Variants in PARVA observed in about 807,000 individuals in gnomAD.
The protein encoded by PARVA is alpha-parvin.
Under a neutral mutation model 52.6 loss-of-function variants are expected in PARVA, and 25 were observed. The ratio of observed to expected loss-of-function variants is 0.48; its 90% confidence interval spans 0.35 to 0.66. The LOEUF (loss-of-function observed/expected upper bound fraction) is 0.66, where lower values mean the gene tolerates loss of function less well. Ranked by LOEUF, PARVA falls within the 30% of genes least tolerant of loss-of-function variation. PARVA has a pLI of 0.01. For synonymous variants in PARVA, 185 were observed against 179.1 expected, an observed-to-expected ratio of 1.03 and a Z score of -0.26; for missense variants, 373 against 450.9, an observed-to-expected ratio of 0.83 and a Z score of 1.56.
chr11:12,407,570 G>A (rs1939930610), intron 1 of PARVA, among the ~76,000 whole-genome samples: 1 of 152,166 alleles, frequency 6.6e-6, no homozygotes, highest in African/African-American at 2.4e-5. Flanking sequence ...ATGGGAGAAG[G>A]GATTTCTTAG....
Position 12,408,490 on chromosome 11 carries a change from T to G in PARVA, c.136+30707T>G, listed in dbSNP as rs1939946278. Among the ~76,000 whole-genome samples, 4 of 152,162 alleles carry G rather than the reference T, an allele frequency of 2.6e-5. No homozygotes were observed. In the South Asian group the frequency reaches 8.3e-4, roughly 32 times the overall value. On this transcript the variant is annotated intron_variant, in intron 1 of 12. Coordinates refer to ENST00000334956, the MANE Select transcript of PARVA (RefSeq NM_018222.5). ...CTGCTTGGGAGCTGGACCCAATGTT[T>G]TCATCCCTGTGCCTCTCAGCCAGAC...
At chr11:12,483,770 G>A (rs914074491) in intron 4 of PARVA, among the ~76,000 whole-genome samples, 11 of 152,114 alleles carry the variant, frequency 7.2e-5, no homozygotes, top group African/African-American at 4.8e-5. Context: ...ACTTCTCTGC[G>A]CTGTTGATGT....
intron 1 of PARVA, among the ~76,000 whole-genome samples, chr11:12,452,542 G>A (rs1940637405): frequency 2.0e-5 from 3 of 152,152 alleles, no homozygotes; most frequent in Admixed American, 2.0e-4. Context: ...ATTTACCTCT[G>A]CCTTTGTCAG....
chr11:12,377,238 C>G, upstream of PARVA: 1 of 374,500 alleles, frequency 2.7e-6, no homozygotes, highest in Non-Finnish European at 4.6e-6. Flanking sequence ...CTGGAAGACC[C>G]CGGGAGAGTA....
chr11:12,471,918 CTT>C (rs1940940760), intron 1 of PARVA, among the ~76,000 whole-genome samples: 1 of 152,248 alleles, frequency 6.6e-6, no homozygotes, highest in Non-Finnish European at 1.5e-5. Context: ...TTAAACATGA[CTT>C]TATTTCCACT....
chr11:12,492,048 G>C (rs1941240417), intron 4 of PARVA, among the ~76,000 whole-genome samples: 1 of 152,168 alleles, frequency 6.6e-6, no homozygotes, highest in Non-Finnish European at 1.5e-5. Flanking sequence ...GTTCATACTG[G>C]AAAGAGTATT....
In PARVA at chr11:12,530,390, A is replaced by G. The variant is rs1941757909; in HGVS notation, c.*2465A>G. 1 of 152,172 alleles carries G rather than the reference A, an allele frequency of 6.6e-6. No homozygotes were observed. Among genetic ancestry groups the G allele is most frequent in the Non-Finnish European group, 1.5e-5 (1 of 68,042 alleles). The allele number at this position is 152,172 out of a possible 1,614,324, so 9.4% of individuals were successfully genotyped here. On this transcript the variant is annotated 3_prime_UTR_variant, in exon 13 of 13. Transcript: ENST00000334956. The stretch of plus-strand genomic sequence containing the variant: ...ACAAACTTAATCTTCATCTTTAAAA[A>G]AAAGAAAAAAGAAACCAAAATGAGA...
At chr11:12,441,290 A>G (rs996219992) in intron 1 of PARVA, among the ~76,000 whole-genome samples, 1 of 152,138 alleles carries the variant, frequency 6.6e-6, no homozygotes, top group African/African-American at 2.4e-5. Flanking sequence ...ACCATCTGCC[A>G]TGCTTCAGAT....
chr11:12,404,415 G>A (rs1331157906), intron 1 of PARVA, among the ~76,000 whole-genome samples: 3 of 152,186 alleles, frequency 2.0e-5, no homozygotes, highest in Non-Finnish European at 4.4e-5. Context: ...CAGTCCTAAA[G>A]GGATTCAAGA....
At chr11:12,523,953 GCCTGGGACTA>G (rs1397493051) in intron 12 of PARVA, among the ~76,000 whole-genome samples, 20 of 152,336 alleles carry the variant, frequency 1.3e-4, no homozygotes, top group African/African-American at 4.8e-4. Context: ...CTACTAGTCT[GCCTGGGACTA>G]CCTGGGGGCC....
rs78683751 is a variant in PARVA, at chr11:12,437,044, C to G, written c.137-36701C>G. On this transcript the variant is annotated intron_variant, in intron 1 of 12. Coordinates refer to ENST00000334956, the MANE Select transcript of PARVA (RefSeq NM_018222.5). Reference sequence around the variant, plus strand: ...ACCACCAAGGGAGAAACTTTTACAGCAATTTGACATTGTTGCAACATCTGA... The same window carrying G: ...ACCACCAAGGGAGAAACTTTTACAGGAATTTGACATTGTTGCAACATCTGA... 9.8e-3 allele frequency among the ~76,000 whole-genome samples: 1,499 copies of G among 152,260 alleles called. 16 individuals carry two copies. The highest frequency in any genetic ancestry group is 0.026 in the African/African-American group (1,096 of 41,538).
At chr11:12,428,821 A>G (rs1940274499) in intron 1 of PARVA, among the ~76,000 whole-genome samples, 1 of 152,226 alleles carries the variant, frequency 6.6e-6, no homozygotes, top group Non-Finnish European at 1.5e-5. Flanking sequence ...AGGAACATAA[A>G]TTTAAAATGT....
chr11:12,487,962 T>C (rs1941184360), intron 4 of PARVA, among the ~76,000 whole-genome samples: 1 of 152,230 alleles, frequency 6.6e-6, no homozygotes, highest in Non-Finnish European at 1.5e-5. Flanking sequence ...TCTCTGTTTG[T>C]ATATTATCAG....
chr11:12,380,820 C>T (rs910149138), intron 1 of PARVA, among the ~76,000 whole-genome samples: 1 of 152,190 alleles, frequency 6.6e-6, no homozygotes, highest in Admixed American at 6.5e-5. Flanking sequence ...CTGCCAGCCA[C>T]GTCGCACTGT....
At position 12,382,237 on chromosome 11, in the gene PARVA, A is replaced by G. The variant is rs1939500934; in HGVS notation, c.136+4454A>G. ...CTCATCTGCAGATGGCATCACGCAC[A>G]GTTCTTGTGTGTATGTGTACATTTT... On this transcript the variant is annotated intron_variant, in intron 1 of 12. Transcript: ENST00000334956. 2.0e-5 allele frequency among the ~76,000 whole-genome samples: 3 copies of G among 152,230 alleles called. No individual in the cohort carries two copies. The South Asian group carries it at 6.2e-4, about 32-fold the overall frequency.
rs144862341 is a variant in PARVA, at chr11:12,481,520, A to G, written c.400+3571A>G. Among the ~76,000 whole-genome samples the G allele has an allele frequency of 5.3e-5, 8 of 152,182 alleles. No individual in the cohort carries two copies. In the East Asian group the frequency reaches 1.5e-3, roughly 29 times the overall value. Reference sequence around the variant, plus strand: ...TTTTCTTACTCCAGTCCTGAAATCAATCACTTCTCCAACGAGCCCTGATTT... The same window carrying G: ...TTTTCTTACTCCAGTCCTGAAATCAGTCACTTCTCCAACGAGCCCTGATTT... On this transcript the variant is annotated intron_variant, in intron 4 of 12. Transcript: ENST00000334956.
At chr11:12,431,319 C>T (rs1020353143) in intron 1 of PARVA, among the ~76,000 whole-genome samples, 19 of 152,186 alleles carry the variant, frequency 1.2e-4, no homozygotes, top group Non-Finnish European at 2.5e-4. Context: ...GTCACCCCTG[C>T]GTCCATTCTT....
At chr11:12,471,535 A>G (rs187003855) in intron 1 of PARVA, among the ~76,000 whole-genome samples, 39 of 152,326 alleles carry the variant, frequency 2.6e-4, no homozygotes, top group Admixed American at 2.3e-3. Flanking sequence ...ATGAATAAAG[A>G]AAGGATCATG....
chr11:12,377,610 C>T lies in PARVA; in HGVS notation c.-38C>T. The stretch of plus-strand genomic sequence containing the variant: ...CCGCTGCGTCCGCCCAGCGCCAGCT[C>T]CGCGTCCCGACCGGCCCGCGGCAGC... On this transcript the variant is annotated 5_prime_UTR_variant, in exon 1 of 13. Coordinates refer to ENST00000334956, the MANE Select transcript of PARVA (RefSeq NM_018222.5). 1 of 1,545,834 alleles carries T rather than the reference C, an allele frequency of 6.5e-7. No individual in the cohort carries two copies. Among genetic ancestry groups the T allele is most frequent in the Non-Finnish European group, 8.7e-7 (1 of 1,152,382 alleles).
Sources: gnomAD v4.1 joint callset for allele counts (sites outside exome capture counted in the v4.1 genomes callset) on GRCh38, gnomAD v4.1.1 for gene constraint, MANE v1.5 for transcripts, NCBI Gene and HGNC (gene_info 2026-07-23, HGNC 2026-07-21) for gene names.